The following CLEC9A variants were observed in gnomAD, a reference collection of about 807,000 sequenced individuals.
CLEC9A encodes C-type lectin domain containing 9A.
CLEC9A carries 24 observed loss-of-function variants against 30.0 expected under a neutral mutation model. That is an observed-to-expected ratio of 0.80 (90% confidence interval 0.58 to 1.13). CLEC9A has a LOEUF of 1.13. CLEC9A is among the 50% of genes most tolerant of loss of function. CLEC9A has a pLI of 0.00. For synonymous variants in CLEC9A, 111 were observed against 96.8 expected (o/e 1.15, Z -0.86); for missense variants, 251 against 280.9 (o/e 0.89, Z 0.76).
chr12:10,043,760 C>A (rs1339104426), intron 2 of CLEC9A, among the ~76,000 whole-genome samples: 2 of 151,988 alleles, frequency 1.3e-5, no homozygotes, highest in African/African-American at 2.4e-5. Context: ...TGGCTCAATG[C>A]AACCTCCACC....
chr12:10,048,800 AG>A (rs199925343), intron 2 of CLEC9A, among the ~76,000 whole-genome samples: 4,281 of 152,292 alleles, frequency 0.028, 200 homozygotes, highest in African/African-American at 0.096. Context: ...GTCATCCATG[AG>A]GGTTGGAGTC....
At chr12:10,042,311 A>G (rs1405450115) in intron 2 of CLEC9A, among the ~76,000 whole-genome samples, 1 of 152,222 alleles carries the variant, frequency 6.6e-6, no homozygotes, top group East Asian at 1.9e-4. Context: ...AAGCAGTCAA[A>G]TGTGACTGTC....
chr12:10,036,159 C>A (rs528775434), intron 1 of CLEC9A, among the ~76,000 whole-genome samples: 1 of 148,770 alleles, frequency 6.7e-6, no homozygotes, highest in South Asian at 2.1e-4. Flanking sequence ...TTTTTCCCTT[C>A]ATTTTCACTA....
intron 2 of CLEC9A, chr12:10,043,263 C>T (rs1865813348): frequency 6.2e-6 from 2 of 320,030 alleles, no homozygotes; most frequent in East Asian, 1.0e-4. Flanking sequence ...CAGATTATCC[C>T]ACCAGAACTC....
chr12:10,033,009 G>C (rs538617298), intron 1 of CLEC9A, among the ~76,000 whole-genome samples: 1 of 151,368 alleles, frequency 6.6e-6, no homozygotes, highest in Non-Finnish European at 1.5e-5. Flanking sequence ...AAACACTCCA[G>C]TCAAAGTCAC....
intron 1 of CLEC9A, among the ~76,000 whole-genome samples, chr12:10,034,378 C>T (rs1341082129): frequency 2.6e-5 from 4 of 152,234 alleles, no homozygotes; most frequent in African/African-American, 9.6e-5. Flanking sequence ...AACCAATTCT[C>T]ATGAGCCCAA....
intron 2 of CLEC9A, among the ~76,000 whole-genome samples, chr12:10,042,687 A>T (rs758414470): frequency 5.9e-5 from 9 of 152,222 alleles, no homozygotes; most frequent in African/African-American, 7.2e-5. Flanking sequence ...AGAAAAGTAA[A>T]CCAGGAAAGG....
At position 10,048,320 on chromosome 12, in the gene CLEC9A, C is replaced by T. The variant is rs1186163734; in HGVS notation, c.-162-3671C>T. On this transcript the variant is annotated intron_variant, in intron 2 of 8. Coordinates refer to ENST00000355819, the MANE Select transcript of CLEC9A (RefSeq NM_207345.4). Reference sequence around the variant, plus strand: ...TTGGGAGGCGGAGGTTGCAGTGAGCCGAGATCGCGACACTACAGTCCAGCC... The same window carrying T: ...TTGGGAGGCGGAGGTTGCAGTGAGCTGAGATCGCGACACTACAGTCCAGCC... Among the ~76,000 whole-genome samples the T allele has an allele frequency of 2.0e-5, 3 of 149,186 alleles. No individual in the cohort carries two copies. In the Admixed American group the frequency reaches 2.0e-4, roughly 10 times the overall value.
chr12:10,056,877 A>C (rs1865948380), intron 5 of CLEC9A, among the ~76,000 whole-genome samples: 1 of 152,152 alleles, frequency 6.6e-6, no homozygotes, highest in Non-Finnish European at 1.5e-5. Context: ...CTTACAAATA[A>C]AAGTTTTTGC....
chr12:10,047,048 A>G lies in CLEC9A; in HGVS notation c.-162-4943A>G, dbSNP rs148551982. 3.3e-5 allele frequency among the ~76,000 whole-genome samples: 5 copies of G among 152,330 alleles called. No individual in the cohort carries two copies. In the East Asian group the frequency reaches 9.6e-4, roughly 29 times the overall value. On this transcript the variant is annotated intron_variant, in intron 2 of 8. Transcript: ENST00000355819. The stretch of plus-strand genomic sequence containing the variant: ...TAAAGCTTTGTGCACTAACACTTAA[A>G]GACACTTGAATCTTTATCTTTTTTC...
chr12:10,060,140 G>A (rs541476400), intron 5 of CLEC9A, among the ~76,000 whole-genome samples: 4 of 152,184 alleles, frequency 2.6e-5, no homozygotes, highest in Non-Finnish European at 4.4e-5. Context: ...GGAAAATAGC[G>A]TAGCAGTTTC....
rs1380383415 is a variant in CLEC9A, at chr12:10,054,260, T to A, written c.92-11T>A. ...TCTAACTCGGTATCATTTTTCCTAT[T>A]CTGTGGTTAGGAGCATGCTGTCTTG... On this transcript the variant is annotated splice_polypyrimidine_tract_variant and intron_variant, in intron 4 of 8. Transcript: ENST00000355819. The A allele has an allele frequency of 1.2e-6, 2 of 1,605,934 alleles. No individual in the cohort carries two copies. The highest frequency in any genetic ancestry group is 1.7e-6 in the Non-Finnish European group (2 of 1,173,720).
In CLEC9A at chr12:10,061,247, C is replaced by G. The variant is rs369586402; in HGVS notation, c.293C>G (p.Ala98Gly). Residue 98 changes from alanine (A) to glycine (G), a missense_variant, in exon 6 of 9, where the codon GCC becomes GGC. Ala to Gly is a moderately conservative substitution (Grantham distance 60). Coordinates refer to ENST00000355819, the MANE Select transcript of CLEC9A (RefSeq NM_207345.4). Reference protein sequence around the residue: ...SCALQMKYCQAFMQNSLSSAH... With the variant: ...SCALQMKYCQGFMQNSLSSAH... ...GCCCTTCAGATGAAATATTGCCAAG[C>G]CTTCATGCAAAACTCATTAAGTTCA... The G allele has an allele frequency of 1.2e-6, 2 of 1,611,416 alleles. No homozygotes were observed. The highest frequency in any genetic ancestry group is 1.7e-5 in the Admixed American group (1 of 59,336).
chr12:10,042,669 C>T (rs1386601811), intron 2 of CLEC9A, among the ~76,000 whole-genome samples: 2 of 152,096 alleles, frequency 1.3e-5, no homozygotes, highest in Non-Finnish European at 2.9e-5. Context: ...GTGATTATTG[C>T]TAACTAGAGA....
At chr12:10,047,125 A>G (rs1439495117) in intron 2 of CLEC9A, among the ~76,000 whole-genome samples, 2 of 152,226 alleles carry the variant, frequency 1.3e-5, no homozygotes, top group Non-Finnish European at 2.9e-5. Flanking sequence ...AATAACAGAA[A>G]CACCTCAAAT....
intron 2 of CLEC9A, among the ~76,000 whole-genome samples, chr12:10,047,704 T>A (rs1472360104): frequency 3.3e-5 from 5 of 152,236 alleles, no homozygotes; most frequent in African/African-American, 1.2e-4. Context: ...CAAGTGATAT[T>A]TGCCCTAAAC....
At chr12:10,052,298 A>T in intron 3 of CLEC9A, 1 of 169,300 alleles carries the variant, frequency 5.9e-6, no homozygotes, top group Middle Eastern at 3.0e-3. Context: ...TTATATCTTC[A>T]CTATCTAGGT....
chr12:10,056,004 AG>A (rs1865939305), intron 5 of CLEC9A, among the ~76,000 whole-genome samples: 2 of 133,506 alleles, frequency 1.5e-5, no homozygotes, highest in Admixed American at 8.9e-5. Context: ...GGTTGCAGTG[AG>A]CCAAGATTGT....
intron 2 of CLEC9A, among the ~76,000 whole-genome samples, chr12:10,050,287 CA>C: frequency 6.6e-6 from 1 of 152,114 alleles, no homozygotes; most frequent in Non-Finnish European, 1.5e-5. Context: ...TGAGAATTAC[CA>C]ATATGTGACA....
Sources: allele counts gnomAD v4.1 joint callset (sites outside exome capture counted in the v4.1 genomes callset), GRCh38; gene constraint gnomAD v4.1.1; transcripts MANE v1.5; gene names NCBI Gene and HGNC (gene_info 2026-07-23, HGNC 2026-07-21).